DNAH7: variants seen among roughly 807,000 people sequenced by gnomAD.
DNAH7 encodes the protein dynein axonemal heavy chain 7, also known as axonemal beta dynein heavy chain 7.
Under a neutral mutation model 444.6 loss-of-function variants are expected in DNAH7, and 397 were observed. The ratio of observed to expected loss-of-function variants is 0.89; its 90% CI spans 0.82 to 0.97. The LOEUF (loss-of-function observed/expected upper bound fraction) is 0.97, where lower values mean the gene tolerates loss of function less well. DNAH7 is among the 50% of genes least tolerant of loss of function. The probability of loss-of-function intolerance (pLI) is 0.00; values close to 1 mark genes in which losing one functional copy is unlikely to be tolerated. For synonymous variants in DNAH7, 1,636 were observed against 1,624.4 expected (o/e 1.01, Z -0.17); for missense variants, 4,902 against 4,800.8 (o/e 1.02, Z -0.62).
Position 195,897,691 on chromosome 2 carries a change from T to A in DNAH7, c.4623A>T (p.Leu1541Phe), listed in dbSNP as rs1559199353. 6.2e-7 allele frequency: 1 copy of A among 1,601,900 alleles called. No individual in the cohort carries two copies. Among genetic ancestry groups the A allele is most frequent in the East Asian group, 2.2e-5 (1 of 44,732 alleles). ...CCTCAAAGAGTGGTAAATCATGGGA[T>A]AAAAATTTTGGCAGATTTACATCAA... ...SIIDVNLPKFLSHDLPLFEGI... is the reference protein window; with the variant it reads ...SIIDVNLPKFFSHDLPLFEGI... Residue 1541 changes from leucine (L) to phenylalanine (F), a missense_variant, in exon 29 of 65, where the codon TTA becomes TTT. Coordinates refer to ENST00000312428, the MANE Select transcript of DNAH7 (RefSeq NM_018897.3).
chr2:195,738,896 T>C (rs1692817767), intron 64 of DNAH7, among the ~76,000 whole-genome samples: 1 of 152,184 alleles, frequency 6.6e-6, no homozygotes, highest in Non-Finnish European at 1.5e-5. Context: ...CACAGATTGT[T>C]GAAGGAGCTT....
chr2:195,978,603 A>C (rs57517027), intron 15 of DNAH7, among the ~76,000 whole-genome samples: 3 of 152,118 alleles, frequency 2.0e-5, no homozygotes, highest in Admixed American at 2.0e-4. Flanking sequence ...TAAATGGACT[A>C]AACTCTCCAA....
chr2:195,857,759 G>A (rs1197732051), intron 43 of DNAH7, 36 bp from the exon 44 acceptor site: 1 of 1,504,982 alleles, frequency 6.6e-7, no homozygotes, highest in African/African-American at 1.4e-5. Context: ...TAAAAGACAT[G>A]TTTGTTTATA....
At chr2:195,746,924 A>G (rs1693451314) in intron 63 of DNAH7, among the ~76,000 whole-genome samples, 1 of 152,008 alleles carries the variant, frequency 6.6e-6, no homozygotes, top group Non-Finnish European at 1.5e-5. Flanking sequence ...CCCTAACATC[A>G]CAATTAAAAG....
rs529937936 is a variant in DNAH7 at position 195,987,552 on chromosome 2, T to C, written c.1627-359A>G. On this transcript the variant is annotated intron_variant, in intron 13 of 64. Coordinates refer to ENST00000312428, the MANE Select transcript of DNAH7 (RefSeq NM_018897.3). ...TGTTCATGGTAGAAAATTTAGAAAA[T>C]GTAAAGGGGGACAGAAAAGAAAATT... is the stretch of plus-strand genomic sequence containing the variant. Among the ~76,000 whole-genome samples the C allele has an allele frequency of 1.1e-4, 16 of 152,024 alleles. No individual in the cohort carries two copies. The East Asian group carries it at 1.2e-3, about 11-fold the overall frequency.
At chr2:195,853,029 T>A (rs6712851) in intron 46 of DNAH7, among the ~76,000 whole-genome samples, 1 of 151,978 alleles carries the variant, frequency 6.6e-6, no homozygotes, top group Non-Finnish European at 1.5e-5. Context: ...CCATTACTTT[T>A]TAAAAAAAAT....
At chr2:195,931,830 G>A (rs201030522) in intron 21 of DNAH7, among the ~76,000 whole-genome samples, 3 of 152,032 alleles carry the variant, frequency 2.0e-5, no homozygotes, top group Non-Finnish European at 4.4e-5. Context: ...CTGTAGCCTT[G>A]TAGTATAGTT....
intron 56 of DNAH7, among the ~76,000 whole-genome samples, chr2:195,795,072 A>G (rs887055382): frequency 1.3e-5 from 2 of 152,192 alleles, no homozygotes; most frequent in African/African-American, 4.8e-5. Flanking sequence ...CCATAAGCAG[A>G]CAGGCACAAA....
chr2:195,950,644 C>T (rs953748752), intron 19 of DNAH7, among the ~76,000 whole-genome samples: 13 of 151,872 alleles, frequency 8.6e-5, no homozygotes, highest in South Asian at 4.2e-4. Flanking sequence ...GTCAAGGGAT[C>T]GAAACCATCC....
intron 19 of DNAH7, among the ~76,000 whole-genome samples, chr2:195,945,703 T>C (rs889565783): frequency 7.9e-5 from 12 of 152,252 alleles, no homozygotes; most frequent in African/African-American, 2.9e-4. Flanking sequence ...AAATAAAGAA[T>C]GAGTACTAAG....
intron 31 of DNAH7, among the ~76,000 whole-genome samples, chr2:195,890,838 T>A (rs1430157011): frequency 6.6e-6 from 1 of 152,182 alleles, no homozygotes; most frequent in Non-Finnish European, 1.5e-5. Context: ...GCTAGGTCCT[T>A]AAGTGGGTAG....
chr2:195,756,234 T>C lies in DNAH7; in HGVS notation c.11485A>G (p.Asn3829Asp), dbSNP rs1219975324. Reference sequence around the variant, plus strand: ...ATCCACATTTCTGGAATTTTGACATTCAAAATGCTGCTAACCACTTCTTCA... The same window carrying C: ...ATCCACATTTCTGGAATTTTGACATCCAAAATGCTGCTAACCACTTCTTCA... The part of the protein sequence containing the change: ...DLEEVVSSIL[N>D]VKIPEMWMGK... The change falls in exon 62 of 65, where the codon AAT becomes GAT. Residue 3829 changes from asparagine to aspartate, a missense_variant. Physicochemically the swap from Asn to Asp is conservative, Grantham distance 23. Coordinates refer to ENST00000312428, the MANE Select transcript of DNAH7 (RefSeq NM_018897.3). The C allele has an allele frequency of 3.7e-6, 6 of 1,613,804 alleles. No homozygotes were observed. The highest frequency in any genetic ancestry group is 5.1e-6 in the Non-Finnish European group (6 of 1,179,802).
chr2:195,744,167 G>A (rs1449494121), intron 63 of DNAH7, among the ~76,000 whole-genome samples: 1 of 152,230 alleles, frequency 6.6e-6, no homozygotes, highest in African/African-American at 2.4e-5. Flanking sequence ...CCCTAATACT[G>A]CCCTTTTCTG....
In DNAH7 at chr2:196,025,183, T is replaced by A. The variant is rs1695607115; in HGVS notation, c.668-679A>T. Among the ~76,000 whole-genome samples, 3 of 152,112 alleles carry A rather than the reference T, an allele frequency of 2.0e-5. No individual in the cohort carries two copies. The South Asian group carries it at 6.2e-4, about 32-fold the overall frequency. On this transcript the variant is annotated intron_variant, in intron 7 of 64. Transcript: ENST00000312428. ...AGGGAGGGGAGTGTCCTGGAACCAA[T>A]CTCCTGTGGATACCAAGGAACAACA... is the stretch of plus-strand genomic sequence containing the variant.
intron 20 of DNAH7, 44 bp from the exon 21 acceptor site, chr2:195,934,833 A>T: frequency 6.3e-7 from 1 of 1,593,832 alleles, no homozygotes; most frequent in East Asian, 2.2e-5. Context: ...AAGTTAAAAC[A>T]ATTCTTTACA....
At chr2:196,008,513 G>A (rs1694521420) in intron 10 of DNAH7, among the ~76,000 whole-genome samples, 1 of 152,062 alleles carries the variant, frequency 6.6e-6, no homozygotes, top group East Asian at 1.9e-4. Flanking sequence ...CAACCCAAAT[G>A]TCCATTACCT....
chr2:195,795,243 A>G (rs1696078937), intron 56 of DNAH7, among the ~76,000 whole-genome samples: 1 of 152,146 alleles, frequency 6.6e-6, no homozygotes, highest in African/African-American at 2.4e-5. Flanking sequence ...TTAGCCGGCC[A>G]TGGTGGCAGG....
intron 19 of DNAH7, among the ~76,000 whole-genome samples, chr2:195,943,837 T>C (rs1689626034): frequency 6.6e-6 from 1 of 152,122 alleles, no homozygotes; most frequent in African/African-American, 2.4e-5. Context: ...ACTGTGCACA[T>C]AGTGGCATAT....
At chr2:196,040,199 G>GA (rs1346698734) in intron 5 of DNAH7, among the ~76,000 whole-genome samples, 3 of 152,060 alleles carry the variant, frequency 2.0e-5, no homozygotes, top group African/African-American at 7.2e-5. Flanking sequence ...GAAGAGAAAG[G>GA]AATTTTTCCT....
Sources: gnomAD v4.1 joint callset for allele counts (sites outside exome capture counted in the v4.1 genomes callset) on GRCh38, gnomAD v4.1.1 for gene constraint, MANE v1.5 for transcripts, NCBI Gene and HGNC (gene_info 2026-07-23, HGNC 2026-07-21) for gene names.